The following TM9SF3 variants were observed in gnomAD, a reference collection of about 807,000 sequenced individuals.
The protein encoded by TM9SF3 is SM-11044-binding protein.
TM9SF3 carries 14 observed loss-of-function variants against 78.6 expected under a neutral mutation model. The ratio of observed to expected loss-of-function variants is 0.18; its 90% CI spans 0.12 to 0.28. TM9SF3 has a LOEUF of 0.28. Ranked by LOEUF, TM9SF3 falls within the 10% of genes least tolerant of loss-of-function variation. The pLI, the probability that TM9SF3 is intolerant of heterozygous loss-of-function variation, is 1.00. For missense variants in TM9SF3, 496 were observed against 721.9 expected, an observed-to-expected ratio of 0.69 and a Z score of 3.59; for synonymous variants, 231 against 241.7, an observed-to-expected ratio of 0.96 and a Z score of 0.41.
At chr10:96,542,605 A>G (rs11188822) in intron 9 of TM9SF3, among the ~76,000 whole-genome samples, 32,276 of 152,044 alleles carry the variant, frequency 0.21, 3,867 homozygotes, top group Admixed American at 0.31. Flanking sequence ...AACAGAATCA[A>G]AATTTTAATT....
chr10:96,579,214 C>T (rs1259289048), intron 1 of TM9SF3, among the ~76,000 whole-genome samples: 3 of 152,122 alleles, frequency 2.0e-5, no homozygotes, highest in Non-Finnish European at 4.4e-5. Context: ...CTGCTATGTA[C>T]CCTGACTGTA....
In TM9SF3 at chr10:96,556,745, A is replaced by C. The variant is rs148093685; in HGVS notation, c.660+2914T>G. On this transcript the variant is annotated intron_variant, in intron 5 of 14. Coordinates refer to ENST00000371142, the MANE Select transcript of TM9SF3 (RefSeq NM_020123.4). ...GCTCCCTTTAGCAGCCAAGCTCCTCACAAGTCCATAATTGCCGTCTCCAAT... is the reference window on the plus strand; with the variant it reads ...GCTCCCTTTAGCAGCCAAGCTCCTCCCAAGTCCATAATTGCCGTCTCCAAT... Among the ~76,000 whole-genome samples the C allele has an allele frequency of 1.8e-3, 268 of 151,928 alleles. 3 individuals carry two copies. Among genetic ancestry groups the C allele is most frequent in the Middle Eastern group, 0.014 (4 of 292 alleles).
chr10:96,586,621 G>A (rs1035423181), intron 1 of TM9SF3, 113 bp downstream of exon 1: 5 of 899,500 alleles, frequency 5.6e-6, no homozygotes, highest in African/African-American at 5.2e-5. Flanking sequence ...AGGAGTCCTC[G>A]GGCCGCAGTG....
intron 14 of TM9SF3, among the ~76,000 whole-genome samples, chr10:96,524,736 A>G (rs1387926654): frequency 6.6e-6 from 1 of 151,982 alleles, no homozygotes; most frequent in Non-Finnish European, 1.5e-5. Flanking sequence ...CTACATTAAA[A>G]AAAATCAACA....
At chr10:96,586,595 G>T in intron 1 of TM9SF3, 139 bp downstream of exon 1, 1 of 669,490 alleles carries the variant, frequency 1.5e-6, no homozygotes, top group Non-Finnish European at 2.1e-6. Flanking sequence ...TTCCTGCTCC[G>T]CCAGGCCCAA....
chr10:96,523,131 T>A (rs1280510617), intron 14 of TM9SF3, among the ~76,000 whole-genome samples: 1 of 151,876 alleles, frequency 6.6e-6, no homozygotes, highest in Non-Finnish European at 1.5e-5. Context: ...GCAAAAGTAT[T>A]TGCAGCTTTA....
rs982048266 is a variant in TM9SF3 at position 96,519,520 on chromosome 10, C to T, written c.*2743G>A. 7.9e-5 allele frequency: 12 copies of T among 151,926 alleles called. No homozygotes were observed. Among genetic ancestry groups the T allele is most frequent in the African/African-American group, 2.9e-4 (12 of 41,410 alleles). The allele number at this position is 151,926 out of a possible 1,614,324, so 9.4% of individuals were successfully genotyped here. On this transcript the variant is annotated 3_prime_UTR_variant, in exon 15 of 15. Coordinates refer to ENST00000371142, the MANE Select transcript of TM9SF3 (RefSeq NM_020123.4). ...GATATATGTATACAAATGTCAACTA[C>T]TAATGTAGTTAAATTTCAGGAGAAG...
rs1035057207 is a variant in TM9SF3 at position 96,527,891 on chromosome 10, A to C, written c.1541+140T>G. 9.8e-6 allele frequency: 8 copies of C among 812,362 alleles called. No homozygotes were observed. In the African/African-American group the frequency reaches 1.1e-4, roughly 11 times the overall value. The allele number at this position is 812,362 out of a possible 1,614,324, so 50.3% of individuals were successfully genotyped here. A position where few individuals can be genotyped will look rare whatever the true frequency, so the allele number is the denominator to read the frequency against. Reference sequence around the variant, plus strand: ...TTTCTCTAAAATATGTATCATTTTTATAACTGGAAAAAAATCCCTATGCTA... The same window carrying C: ...TTTCTCTAAAATATGTATCATTTTTCTAACTGGAAAAAAATCCCTATGCTA... On this transcript the variant is annotated intron_variant, in intron 12 of 14. Transcript: ENST00000371142.
chr10:96,581,294 G>A lies in TM9SF3; in HGVS notation c.103-4465C>T, dbSNP rs1848566589. ...GCTTTAGAAGATAATATGCTGACGT[G>A]GTCATGTGAAATCTGAATAAGAAAT... On this transcript the variant is annotated intron_variant, in intron 1 of 14. Transcript: ENST00000371142. 3.5e-5 allele frequency among the ~76,000 whole-genome samples: 5 copies of A among 143,262 alleles called. No individual in the cohort carries two copies. In the South Asian group the frequency reaches 1.1e-3, roughly 31 times the overall value. The allele number at this position is 143,262 out of a possible 152,430, so 94.0% of individuals were successfully genotyped here.
chr10:96,543,448 C>A (rs2134138528), intron 9 of TM9SF3, among the ~76,000 whole-genome samples: 1 of 150,844 alleles, frequency 6.6e-6, no homozygotes, highest in South Asian at 2.1e-4. Flanking sequence ...CATTCTCCTG[C>A]CTCAGCCTCC....
At chr10:96,559,527 C>CT in intron 5 of TM9SF3, 132 bp downstream of exon 5, 1 of 556,648 alleles carries the variant, frequency 1.8e-6, no homozygotes, top group Non-Finnish European at 2.8e-6. Context: ...CAAGCTCATA[C>CT]TTTAAATCAC....
chr10:96,529,881 AG>A (rs1271477805), intron 11 of TM9SF3, among the ~76,000 whole-genome samples: 7 of 152,216 alleles, frequency 4.6e-5, no homozygotes, highest in African/African-American at 1.7e-4. Context: ...ACAGGAGCCA[AG>A]GGTGTACAGC....
Position 96,518,688 on chromosome 10 carries a change from G to C in TM9SF3, c.*3575C>G, listed in dbSNP as rs369017621. The C allele has an allele frequency of 6.6e-5, 10 of 152,100 alleles. No individual in the cohort carries two copies. Among genetic ancestry groups the C allele is most frequent in the African/African-American group, 2.4e-4 (10 of 41,450 alleles). 9.4% of individuals were successfully genotyped at this position (152,100 alleles called of 1,614,324 possible). A position where few individuals can be genotyped will look rare whatever the true frequency, so the allele number is the denominator to read the frequency against. ...AGGAAATGCTCATAGGAGAGAACTA[G>C]AGTTATTCCTCACACTGAATTTAAG... On this transcript the variant is annotated 3_prime_UTR_variant, in exon 15 of 15. Coordinates refer to ENST00000371142, the MANE Select transcript of TM9SF3 (RefSeq NM_020123.4).
intron 1 of TM9SF3, among the ~76,000 whole-genome samples, chr10:96,579,065 G>A (rs748836335): frequency 3.9e-5 from 6 of 152,188 alleles, no homozygotes; most frequent in Admixed American, 1.3e-4. Context: ...GTAACAGGGC[G>A]AGACTCAGTC....
chr10:96,539,193 G>A (rs781162988), intron 9 of TM9SF3, among the ~76,000 whole-genome samples: 10 of 148,700 alleles, frequency 6.7e-5, no homozygotes, highest in African/African-American at 7.5e-5. Context: ...ACATCAGGCC[G>A]GGTGTGGTGG....
intron 9 of TM9SF3, among the ~76,000 whole-genome samples, chr10:96,534,372 T>C (rs145550539): frequency 3.0e-4 from 46 of 152,348 alleles, no homozygotes; most frequent in Non-Finnish European, 6.0e-4. Flanking sequence ...TTTATGCTCA[T>C]ATTAAAATAC....
rs574768632 is a variant in TM9SF3 at position 96,518,418 on chromosome 10, C to T, written c.*3845G>A. 2.6e-5 allele frequency: 4 copies of T among 152,246 alleles called. No homozygotes were observed. Among genetic ancestry groups the T allele is most frequent in the Non-Finnish European group, 5.9e-5 (4 of 67,988 alleles). The allele number at this position is 152,246 out of a possible 1,614,324, so 9.4% of individuals were successfully genotyped here. The stretch of plus-strand genomic sequence containing the variant: ...TTCTGTTGTCCTTCAAATAGAATTC[C>T]ATGTTATTTCTTTCTTGCCTTAAGC... On this transcript the variant is annotated 3_prime_UTR_variant, in exon 15 of 15. Coordinates refer to ENST00000371142, the MANE Select transcript of TM9SF3 (RefSeq NM_020123.4).
chr10:96,529,308 C>G (rs1185349413), intron 11 of TM9SF3, among the ~76,000 whole-genome samples: 1 of 152,036 alleles, frequency 6.6e-6, no homozygotes, highest in Non-Finnish European at 1.5e-5. Context: ...CCTGTTAGTA[C>G]CATTAGACTA....
Position 96,586,958 on chromosome 10 carries a change from C to A in TM9SF3, c.-123G>T, listed in dbSNP as rs1848642285. On this transcript the variant is annotated 5_prime_UTR_variant, in exon 1 of 15. Transcript: ENST00000371142. ...ACGGGGCGCGGACAGACGCACGGGG[C>A]CCGGCCCAGCCGCTGCCTCCTCTGC... The A allele has an allele frequency of 2.6e-6, 2 of 757,818 alleles. No homozygotes were observed. The highest frequency in any genetic ancestry group is 1.2e-4 in the South Asian group (2 of 16,398). The allele number at this position is 757,818 out of a possible 1,614,324, so 46.9% of individuals were successfully genotyped here.
Sources: allele counts gnomAD v4.1 joint callset (sites outside exome capture counted in the v4.1 genomes callset), GRCh38; gene constraint gnomAD v4.1.1; transcripts MANE v1.5; gene names NCBI Gene and HGNC (gene_info 2026-07-23, HGNC 2026-07-21).